The following GRB10 variants were observed in gnomAD, a reference collection of about 807,000 sequenced individuals.
The protein encoded by GRB10 is growth factor receptor bound protein 10.
A neutral mutation model predicts 80.9 loss-of-function variants in GRB10; 20 were observed. The observed-to-expected ratio is 0.25, with a 90% CI of 0.17 to 0.36. The LOEUF (loss-of-function observed/expected upper bound fraction) is 0.36. GRB10 is among the 10% of genes least tolerant of loss of function. GRB10 has a pLI of 1.00. For missense variants in GRB10, 548 were observed against 747.7 expected (o/e 0.73, Z 3.12); for synonymous variants, 291 against 291.5 (o/e 1.00, Z 0.02).
chr7:50,776,899 C>T (rs1300017768), intron 2 of GRB10, among the ~76,000 whole-genome samples: 1 of 152,192 alleles, frequency 6.6e-6, no homozygotes, highest in Non-Finnish European at 1.5e-5. Context: ...TGGGCCCTCA[C>T]CAGAATCATT....
upstream of GRB10, among the ~76,000 whole-genome samples, chr7:50,783,316 C>G (rs1438182204): frequency 6.6e-6 from 1 of 152,106 alleles, no homozygotes; most frequent in East Asian, 1.9e-4. Context: ...TACTGAACAA[C>G]GAGGACAAAG....
At chr7:50,711,126 C>T (rs1011834365) in intron 4 of GRB10, 25 of 557,302 alleles carry the variant, frequency 4.5e-5, no homozygotes, top group Non-Finnish European at 7.1e-5. Context: ...ACAGGCTTAA[C>T]AGGGATCAAC....
intron 7 of GRB10, among the ~76,000 whole-genome samples, chr7:50,651,860 T>C (rs560951376): frequency 2.0e-5 from 3 of 152,354 alleles, no homozygotes; most frequent in African/African-American, 4.8e-5. Flanking sequence ...TTGAAGAAGG[T>C]AATCTGTCAG....
At chr7:50,757,957 T>A (rs376266160) in intron 2 of GRB10, among the ~76,000 whole-genome samples, 2 of 152,182 alleles carry the variant, frequency 1.3e-5, no homozygotes, top group African/African-American at 4.8e-5. Context: ...ATTAAATACA[T>A]CACTGAGGTA....
intron 4 of GRB10, among the ~76,000 whole-genome samples, chr7:50,729,644 T>C (rs570978629): frequency 1.3e-5 from 2 of 152,180 alleles, no homozygotes; most frequent in African/African-American, 4.8e-5. Flanking sequence ...CGTGGCATAA[T>C]AAATGAGGAA....
chr7:50,722,198 G>A (rs780549645), intron 4 of GRB10, among the ~76,000 whole-genome samples: 9 of 152,052 alleles, frequency 5.9e-5, no homozygotes, highest in Non-Finnish European at 1.2e-4. Flanking sequence ...CCTGCACCAC[G>A]CCACAGCCCC....
chr7:50,646,910 G>A (rs940763279), intron 7 of GRB10, among the ~76,000 whole-genome samples: 3 of 152,182 alleles, frequency 2.0e-5, no homozygotes, highest in Non-Finnish European at 4.4e-5. Context: ...TAAGGCCGGT[G>A]GGGCCAGATA....
intron 7 of GRB10, among the ~76,000 whole-genome samples, chr7:50,651,532 C>T (rs1419721053): frequency 1.3e-5 from 2 of 152,192 alleles, no homozygotes; most frequent in African/African-American, 2.4e-5. Flanking sequence ...TGATGAATCA[C>T]ATCTGCAACA....
chr7:50,658,649 A>G (rs748537738), intron 7 of GRB10, among the ~76,000 whole-genome samples: 2 of 152,210 alleles, frequency 1.3e-5, no homozygotes, highest in Non-Finnish European at 2.9e-5. Flanking sequence ...ACAGCTATAG[A>G]TATCAAGAGG....
intron 2 of GRB10, among the ~76,000 whole-genome samples, chr7:50,778,738 A>T (rs1284845499): frequency 6.6e-6 from 1 of 152,232 alleles, no homozygotes; most frequent in Non-Finnish European, 1.5e-5. Flanking sequence ...TATGGCTTGG[A>T]GGCCTTCCAG....
intron 4 of GRB10, among the ~76,000 whole-genome samples, chr7:50,709,968 A>G (rs1310449642): frequency 6.6e-6 from 1 of 152,062 alleles, no homozygotes; most frequent in East Asian, 1.9e-4. Flanking sequence ...CCTTGACTCC[A>G]AAGTGACTGC....
chr7:50,650,149 A>G (rs2057823443), intron 7 of GRB10, among the ~76,000 whole-genome samples: 1 of 152,194 alleles, frequency 6.6e-6, no homozygotes, highest in African/African-American at 2.4e-5. Context: ...AGATGAAGAG[A>G]TCACAAGCTG....
intron 7 of GRB10, among the ~76,000 whole-genome samples, chr7:50,655,017 C>CA (rs2058486499): frequency 1.3e-5 from 2 of 152,222 alleles, no homozygotes. Context: ...GTCCAGGACC[C>CA]AAGCTGCGTT....
intron 5 of GRB10, among the ~76,000 whole-genome samples, chr7:50,692,319 T>C (rs1467715126): frequency 1.3e-5 from 2 of 152,088 alleles, no homozygotes; most frequent in Non-Finnish European, 2.9e-5. Flanking sequence ...CACACATATA[T>C]ATATAATGAA....
chr7:50,759,645 A>G (rs533116796), intron 2 of GRB10, among the ~76,000 whole-genome samples: 2 of 152,262 alleles, frequency 1.3e-5, no homozygotes, highest in South Asian at 4.1e-4. Context: ...GGGGGACTGA[A>G]TATTTTTATC....
intron 2 of GRB10, among the ~76,000 whole-genome samples, chr7:50,778,494 T>C (rs1477542956): frequency 6.6e-6 from 1 of 152,178 alleles, no homozygotes; most frequent in Non-Finnish European, 1.5e-5. Context: ...ACTTTGGTGG[T>C]AGAATTTTTC....
At chr7:50,793,087 C>G (rs2079005225) in intron 1 of GRB10, 2 of 144,238 alleles carry the variant, frequency 1.4e-5, no homozygotes, top group South Asian at 4.2e-4. Context: ...CGCGCCTCCG[C>G]GGGGCCCGGC....
intron 2 of GRB10, among the ~76,000 whole-genome samples, chr7:50,763,384 C>T (rs1023734050): frequency 6.6e-6 from 1 of 152,166 alleles, no homozygotes; most frequent in African/African-American, 2.4e-5. Context: ...TTGAGGATGG[C>T]TGAACAGCAA....
chr7:50,773,251 A>T (rs2077157836), intron 2 of GRB10, among the ~76,000 whole-genome samples: 1 of 151,898 alleles, frequency 6.6e-6, no homozygotes, highest in South Asian at 2.1e-4. Context: ...AGCATGTGGA[A>T]ATTATGGGAG....
Sources: gnomAD v4.1 joint callset for allele counts (sites outside exome capture counted in the v4.1 genomes callset) on GRCh38, gnomAD v4.1.1 for gene constraint, MANE v1.5 for transcripts, NCBI Gene and HGNC (gene_info 2026-07-23, HGNC 2026-07-21) for gene names.